The following SPAG16 variants were observed in gnomAD, a reference collection of about 807,000 sequenced individuals.
SPAG16 encodes the protein sperm-associated antigen 16 protein.
Under a neutral mutation model 80.4 loss-of-function variants are expected in SPAG16, and 86 were observed. That is an observed-to-expected ratio of 1.07 (90% CI 0.90 to 1.28). SPAG16 has a LOEUF of 1.28. Among genes scored for constraint, SPAG16 ranks in the 50% most tolerant of loss-of-function variants. The pLI, the probability that SPAG16 is intolerant of heterozygous loss-of-function variation, is 0.00. For synonymous variants in SPAG16, 294 were observed against 265.9 expected, an observed-to-expected ratio of 1.11 and a Z score of -1.03; for missense variants, 870 against 765.3, an observed-to-expected ratio of 1.14 and a Z score of -1.61.
chr2:213,954,668 T>C (rs928937232), intron 12 of SPAG16, among the ~76,000 whole-genome samples: 6 of 152,140 alleles, frequency 3.9e-5, no homozygotes. Context: ...CTGTTGGGTA[T>C]ATAACTAGGA....
chr2:214,266,180 T>C (rs1399606986), intron 15 of SPAG16, among the ~76,000 whole-genome samples: 2 of 151,852 alleles, frequency 1.3e-5, no homozygotes, highest in African/African-American at 4.8e-5. Context: ...GACAGACAAC[T>C]AATAGGAATG....
intron 10 of SPAG16, among the ~76,000 whole-genome samples, chr2:213,736,930 G>T (rs6435793): frequency 0.92 from 140,474 of 151,910 alleles, 65,989 homozygotes; most frequent in East Asian, 1. Context: ...GGTCTTGAAC[G>T]CCTGACCTCA....
rs144827634 is a variant in SPAG16 at position 213,400,733 on chromosome 2, T to G, written c.942+25614T>G. Among the ~76,000 whole-genome samples, 677 of 152,300 alleles carry G rather than the reference T, an allele frequency of 4.4e-3. 4 individuals carry two copies. Among genetic ancestry groups the G allele is most frequent in the African/African-American group, 0.015 (621 of 41,552 alleles). ...ACTTAATAGTTGTGTGTTTGTGGAA[T>G]TACCTTTCAGAAATATTTACTCCCT... On this transcript the variant is annotated intron_variant, in intron 9 of 15. Coordinates refer to ENST00000331683, the MANE Select transcript of SPAG16 (RefSeq NM_024532.5).
At chr2:213,529,791 A>G (rs1176798719) in intron 10 of SPAG16, among the ~76,000 whole-genome samples, 1 of 152,246 alleles carries the variant, frequency 6.6e-6, no homozygotes, top group Non-Finnish European at 1.5e-5. Context: ...CTTCCCATGA[A>G]TGGAGCATGC....
At chr2:214,077,568 G>C (rs992380444) in intron 13 of SPAG16, among the ~76,000 whole-genome samples, 2 of 152,206 alleles carry the variant, frequency 1.3e-5, no homozygotes, top group African/African-American at 4.8e-5. Flanking sequence ...AGAGTGCTGA[G>C]TTCTCCCCTC....
At chr2:213,369,946 T>C (rs2066541557) in intron 8 of SPAG16, among the ~76,000 whole-genome samples, 1 of 152,194 alleles carries the variant, frequency 6.6e-6, no homozygotes, top group Non-Finnish European at 1.5e-5. Flanking sequence ...TCACTTTTGA[T>C]GTTGTACGTT....
intron 10 of SPAG16, among the ~76,000 whole-genome samples, chr2:213,638,475 A>G (rs1445840183): frequency 6.6e-6 from 1 of 152,032 alleles, no homozygotes; most frequent in Non-Finnish European, 1.5e-5. Context: ...TCAATTTTTA[A>G]TTTCCATCTT....
At chr2:213,825,373 GC>G (rs2073209702) in intron 10 of SPAG16, among the ~76,000 whole-genome samples, 1 of 151,998 alleles carries the variant, frequency 6.6e-6, no homozygotes, top group Non-Finnish European at 1.5e-5. Context: ...GTTGTATATG[GC>G]TTTAATATGT....
intron 10 of SPAG16, among the ~76,000 whole-genome samples, chr2:213,525,320 G>A (rs1238860602): frequency 4.3e-5 from 5 of 116,186 alleles, no homozygotes; most frequent in South Asian, 2.6e-4. Flanking sequence ...ACAGAGTCTC[G>A]CTTGTTCACC....
intron 12 of SPAG16, among the ~76,000 whole-genome samples, chr2:213,965,344 A>C (rs1275641677): frequency 6.6e-6 from 1 of 152,150 alleles, no homozygotes; most frequent in Admixed American, 6.5e-5. Context: ...GTAAGTCGAG[A>C]AGCATCTGTA....
At chr2:214,247,988 A>G (rs998705740) in intron 15 of SPAG16, among the ~76,000 whole-genome samples, 9 of 152,244 alleles carry the variant, frequency 5.9e-5, no homozygotes, top group African/African-American at 1.9e-4. Flanking sequence ...TGATCACACT[A>G]TTACACTCCA....
intron 15 of SPAG16, among the ~76,000 whole-genome samples, chr2:214,320,547 C>G (rs1393849151): frequency 2.0e-5 from 3 of 152,184 alleles, no homozygotes; most frequent in African/African-American, 7.2e-5. Flanking sequence ...AATTGACTCT[C>G]AGTTCAGCAT....
At chr2:213,921,832 T>C (rs2078238054) in intron 11 of SPAG16, among the ~76,000 whole-genome samples, 1 of 152,216 alleles carries the variant, frequency 6.6e-6, no homozygotes. Flanking sequence ...TCAAATATTA[T>C]TTTAAGAATC....
chr2:213,716,132 A>T (rs1347915873), intron 10 of SPAG16, among the ~76,000 whole-genome samples: 4 of 152,066 alleles, frequency 2.6e-5, no homozygotes, highest in Non-Finnish European at 5.9e-5. Flanking sequence ...TTCTTTTTTT[A>T]TCTCAAGTGT....
At chr2:214,205,915 G>T (rs1418050710) in intron 15 of SPAG16, among the ~76,000 whole-genome samples, 1 of 151,968 alleles carries the variant, frequency 6.6e-6, no homozygotes, top group East Asian at 1.9e-4. Flanking sequence ...TTGATAACTG[G>T]CCGGGCGCAG....
rs181852440 is a variant in SPAG16, at chr2:214,082,853, G to A, written c.1528-25343G>A. On this transcript the variant is annotated intron_variant, in intron 13 of 15. Coordinates refer to ENST00000331683, the MANE Select transcript of SPAG16 (RefSeq NM_024532.5). ...CATAGTTCTTCACTTTCAATGTTAA[G>A]CATTGCCACTTTGTTTCTCCCACCC... is the stretch of plus-strand genomic sequence containing the variant. Among the ~76,000 whole-genome samples, 346 of 152,114 alleles carry A rather than the reference G, an allele frequency of 2.3e-3. 3 individuals are homozygous for A. The highest frequency in any genetic ancestry group is 7.9e-3 in the African/African-American group (329 of 41,496).
intron 10 of SPAG16, among the ~76,000 whole-genome samples, chr2:213,748,848 C>T (rs1333871283): frequency 6.6e-6 from 1 of 151,900 alleles, no homozygotes; most frequent in East Asian, 1.9e-4. Context: ...CATTCTTTAC[C>T]TGTTAAAAAG....
intron 15 of SPAG16, among the ~76,000 whole-genome samples, chr2:214,289,187 A>G (rs1311020594): frequency 6.6e-6 from 1 of 152,132 alleles, no homozygotes; most frequent in Non-Finnish European, 1.5e-5. Flanking sequence ...CTCCCATTCA[A>G]CAGGTTGTCT....
At chr2:213,397,525 C>T (rs1002065284) in intron 9 of SPAG16, among the ~76,000 whole-genome samples, 4 of 152,050 alleles carry the variant, frequency 2.6e-5, no homozygotes, top group African/African-American at 2.4e-5. Context: ...AATTAATCCC[C>T]GTGATATTGT....
Sources: allele counts gnomAD v4.1 joint callset (sites outside exome capture counted in the v4.1 genomes callset), GRCh38; gene constraint gnomAD v4.1.1; transcripts MANE v1.5; gene names NCBI Gene and HGNC (gene_info 2026-07-23, HGNC 2026-07-21).